The following KIAA1328 variants were observed in gnomAD, a reference collection of about 807,000 sequenced individuals.
The protein encoded by KIAA1328 is KIAA1328.
KIAA1328 carries 52 observed loss-of-function variants against 68.1 expected under a neutral mutation model. The observed-to-expected ratio is 0.76, with a 90% CI of 0.61 to 0.96. The LOEUF (loss-of-function observed/expected upper bound fraction) is 0.96. KIAA1328 is among the 40% of genes least tolerant of loss of function. The pLI is 0.00. For synonymous variants in KIAA1328, 232 were observed against 239.4 expected (o/e 0.97, Z 0.28); for missense variants, 641 against 677.6 (o/e 0.95, Z 0.60).
At chr18:37,133,551 A>T (rs1415424284) in intron 7 of KIAA1328, among the ~76,000 whole-genome samples, 1 of 134,406 alleles carries the variant, frequency 7.4e-6, no homozygotes, top group Non-Finnish European at 1.5e-5. Context: ...TTTGAGACGG[A>T]GTCTCGCTCT....
chr18:37,105,664 G>A (rs1453481368), intron 7 of KIAA1328, among the ~76,000 whole-genome samples: 4 of 151,804 alleles, frequency 2.6e-5, no homozygotes, highest in Admixed American at 1.3e-4. Flanking sequence ...AGTGGCTCAT[G>A]CCTATTATCC....
At chr18:36,859,797 C>CT (rs200286175) in intron 4 of KIAA1328, among the ~76,000 whole-genome samples, 192 of 141,506 alleles carry the variant, frequency 1.4e-3, no homozygotes, top group Middle Eastern at 7.1e-3. Context: ...TTATTTTTGT[C>CT]TTTTTTTTTT....
intron 6 of KIAA1328, among the ~76,000 whole-genome samples, chr18:36,988,366 A>T (rs950167507): frequency 6.6e-6 from 1 of 152,186 alleles, no homozygotes; most frequent in Admixed American, 6.5e-5. Context: ...CTACAGGTAG[A>T]TGTTGTGCAA....
intron 8 of KIAA1328, among the ~76,000 whole-genome samples, chr18:37,164,697 G>A (rs2059350389): frequency 6.6e-6 from 1 of 152,154 alleles, no homozygotes; most frequent in Non-Finnish European, 1.5e-5. Flanking sequence ...AGTGAGCCGA[G>A]ATCACTCCAC....
Position 37,160,396 on chromosome 18 carries a change from T to A in KIAA1328, c.1414+15T>A. ...ACCCCAAAGAGGTAAGTTTAACAAC[T>A]GTAGTGGCAAAATGAGAAACTGGTA... On this transcript the variant is annotated intron_variant, in intron 8 of 9. Transcript: ENST00000280020. 6.3e-7 allele frequency: 1 copy of A among 1,599,492 alleles called. No individual in the cohort carries two copies. Among genetic ancestry groups the A allele is most frequent in the Non-Finnish European group, 8.5e-7 (1 of 1,172,972 alleles).
chr18:37,149,972 T>C (rs2058991226), intron 7 of KIAA1328, among the ~76,000 whole-genome samples: 2 of 152,224 alleles, frequency 1.3e-5, no homozygotes, highest in Non-Finnish European at 2.9e-5. Context: ...AATGAAGGAA[T>C]GTTGTGAACA....
intron 6 of KIAA1328, among the ~76,000 whole-genome samples, chr18:36,964,541 A>G (rs1201710322): frequency 1.3e-5 from 2 of 152,102 alleles, no homozygotes; most frequent in Non-Finnish European, 2.9e-5. Context: ...TGTTTTTGAC[A>G]TCTGTCATTT....
At chr18:37,220,534 T>C (rs113418584) in intron 9 of KIAA1328, among the ~76,000 whole-genome samples, 2 of 152,380 alleles carry the variant, frequency 1.3e-5, no homozygotes, top group African/African-American at 4.8e-5. Flanking sequence ...CTAAACTCTT[T>C]GAAGGCTTCT....
intron 7 of KIAA1328, among the ~76,000 whole-genome samples, chr18:37,142,635 A>T (rs1295645295): frequency 6.6e-6 from 1 of 151,816 alleles, no homozygotes; most frequent in South Asian, 2.1e-4. Flanking sequence ...ACACACACAC[A>T]CCCCACACAC....
Position 36,875,397 on chromosome 18 carries a change from G to A in KIAA1328, c.333-10160G>A, listed in dbSNP as rs558777566. ...AGGTCCTTTGCAACCCTTGTAAGTTGTATTCCTAGGTATTTATTCTCTTTG... is the reference window on the plus strand; with the variant it reads ...AGGTCCTTTGCAACCCTTGTAAGTTATATTCCTAGGTATTTATTCTCTTTG... On this transcript the variant is annotated intron_variant, in intron 4 of 9. Coordinates refer to ENST00000280020, the MANE Select transcript of KIAA1328 (RefSeq NM_020776.3). Among the ~76,000 whole-genome samples, 5 of 152,258 alleles carry A rather than the reference G, an allele frequency of 3.3e-5. No individual in the cohort carries two copies. The South Asian group carries it at 1.0e-3, about 32-fold the overall frequency.
intron 9 of KIAA1328, among the ~76,000 whole-genome samples, chr18:37,180,432 G>T (rs1230577698): frequency 1.3e-5 from 2 of 152,152 alleles, no homozygotes; most frequent in Non-Finnish European, 2.9e-5. Context: ...ATTCTGACGT[G>T]TAAGCACTGA....
intron 6 of KIAA1328, among the ~76,000 whole-genome samples, chr18:37,003,957 A>G (rs2053682828): frequency 6.6e-6 from 1 of 152,052 alleles, no homozygotes; most frequent in Non-Finnish European, 1.5e-5. Context: ...GCCCATTTTT[A>G]TACCAGTAGC....
intron 5 of KIAA1328, among the ~76,000 whole-genome samples, chr18:36,908,076 A>G (rs913794958): frequency 7.2e-5 from 11 of 152,178 alleles, no homozygotes; most frequent in Non-Finnish European, 1.2e-4. Flanking sequence ...GGAGTAATAC[A>G]GGAATTTAAG....
At chr18:36,844,908 T>C (rs1193074697) in intron 4 of KIAA1328, among the ~76,000 whole-genome samples, 2 of 151,858 alleles carry the variant, frequency 1.3e-5, no homozygotes, top group Non-Finnish European at 3.0e-5. Context: ...TGAATATAAA[T>C]TGTAAAAGTT....
intron 5 of KIAA1328, among the ~76,000 whole-genome samples, chr18:36,934,445 T>A (rs560552846): frequency 3.3e-5 from 5 of 152,170 alleles, no homozygotes; most frequent in Non-Finnish European, 7.3e-5. Flanking sequence ...TATCTCCTAA[T>A]GCTATCCCTC....
At chr18:37,009,783 G>A (rs1271738128) in intron 6 of KIAA1328, among the ~76,000 whole-genome samples, 2 of 152,126 alleles carry the variant, frequency 1.3e-5, no homozygotes, top group African/African-American at 2.4e-5. Flanking sequence ...AGAAACTGAA[G>A]TCCCTGATGG....
At chr18:36,883,048 T>TACCTACTAATTC (rs1173696450) in intron 4 of KIAA1328, among the ~76,000 whole-genome samples, 1 of 152,242 alleles carries the variant, frequency 6.6e-6, no homozygotes, top group Non-Finnish European at 1.5e-5. Flanking sequence ...ATTCACTAAA[T>TACCTACTAATTC]ACCTTTTAAT....
chr18:36,907,133 G>A (rs1327825071), intron 5 of KIAA1328, among the ~76,000 whole-genome samples: 1 of 151,908 alleles, frequency 6.6e-6, no homozygotes, highest in African/African-American at 2.4e-5. Context: ...TTTCTATGTT[G>A]ATCTTGTGTC....
chr18:37,199,563 C>T (rs2060068295), intron 9 of KIAA1328, among the ~76,000 whole-genome samples: 1 of 152,142 alleles, frequency 6.6e-6, no homozygotes, highest in Non-Finnish European at 1.5e-5. Flanking sequence ...ACAACATGTG[C>T]ATGTGTTTTT....
Sources: gnomAD v4.1 joint callset for allele counts (sites outside exome capture counted in the v4.1 genomes callset) on GRCh38, gnomAD v4.1.1 for gene constraint, MANE v1.5 for transcripts, NCBI Gene and HGNC (gene_info 2026-07-23, HGNC 2026-07-21) for gene names.